Variants in TEX35 observed in about 807,000 individuals in gnomAD.
The protein encoded by TEX35 is testis expressed 35.
Under a neutral mutation model 31.9 loss-of-function variants are expected in TEX35, and 26 were observed. The ratio of observed to expected loss-of-function variants is 0.81; its 90% CI spans 0.60 to 1.13. TEX35 has a LOEUF of 1.13. Ranked by LOEUF, TEX35 falls within the 50% of genes most tolerant of loss-of-function variation. TEX35 has a pLI of 0.00. For synonymous variants in TEX35, 87 were observed against 90.7 expected, an observed-to-expected ratio of 0.96 and a Z score of 0.23; for missense variants, 278 against 273.5, an observed-to-expected ratio of 1.02 and a Z score of -0.12.
intron 8 of TEX35, 143 bp downstream of exon 8, chr1:178,521,407 G>T: frequency 2.7e-6 from 3 of 1,099,220 alleles, no homozygotes; most frequent in Non-Finnish European, 4.2e-6. Flanking sequence ...CTGCCACCCA[G>T]CATGCTCAGT....
chr1:178,514,891 A>G, intron 3 of TEX35, 123 bp downstream of exon 3: 2 of 787,862 alleles, frequency 2.5e-6, no homozygotes, highest in South Asian at 3.4e-5. Flanking sequence ...CAGTGCAATT[A>G]TCAAAATCCA....
chr1:178,520,866 A>T lies in TEX35; in HGVS notation c.535A>T (p.Thr179Ser), dbSNP rs1257545965. 12 of 1,614,084 alleles carry T rather than the reference A, an allele frequency of 7.4e-6. No homozygotes were observed. The highest frequency in any genetic ancestry group is 1.0e-5 in the Non-Finnish European group (12 of 1,180,024). ...GSLDPLHHCG[T>S]CCEKCLLCAL... ...ACTGGATCCCCTTCATCACTGTGGG[A>T]CCTGCTGCGTAAGTGAAACCCTGCC... is the stretch of plus-strand genomic sequence containing the variant. Residue 179 changes from threonine to serine, a missense_variant, in exon 7 of 9, where the codon ACC becomes TCC. Transcript: ENST00000319416.
In TEX35 at chr1:178,520,429, T is replaced by C; in HGVS notation, c.334T>C (p.Tyr112His). 2 of 1,614,066 alleles carry C rather than the reference T, an allele frequency of 1.2e-6. No homozygotes were observed. The highest frequency in any genetic ancestry group is 2.2e-5 in the South Asian group (2 of 91,054). The change falls in exon 6 of 9, where the codon TAT becomes CAT. Residue 112 changes from tyrosine (Y) to histidine (H), a missense_variant. By Grantham distance (83) the Tyr-to-His change is moderately conservative (BLOSUM62 2). Coordinates refer to ENST00000319416, the MANE Select transcript of TEX35 (RefSeq NM_032126.5). ...MDILINTQKN[Y>H]KLPLRRAPKE... The stretch of plus-strand genomic sequence containing the variant: ...CATTTTAATAAATACACAGAAGAAC[T>C]ATAAGCTGTAAGTGTAACCTGCACT...
chr1:178,518,255 C>T (rs1156537257), intron 5 of TEX35, among the ~76,000 whole-genome samples: 3 of 152,004 alleles, frequency 2.0e-5, no homozygotes, highest in Non-Finnish European at 4.4e-5. Context: ...TATAAATGCT[C>T]TTATACTGTT....
At chr1:178,514,294 G>C in intron 2 of TEX35, 2 of 1,448,172 alleles carry the variant, frequency 1.4e-6, no homozygotes, top group Non-Finnish European at 1.8e-6. Flanking sequence ...TGCTCTGCTG[G>C]GAATCAAGAC....
chr1:178,515,879 A>G lies in TEX35; in HGVS notation c.180A>G (p.Arg60=), dbSNP rs770531159. 6.2e-7 allele frequency: 1 copy of G among 1,612,632 alleles called. No homozygotes were observed. The highest frequency in any genetic ancestry group is 1.1e-5 in the South Asian group (1 of 90,774). Residue 60 remains arginine, a synonymous_variant, in exon 4 of 9, where the codon AGA becomes AGG. Transcript: ENST00000319416. ...QDLKNELREV[R]EELKEKMEEI... is the part of the protein sequence containing the mutation. The stretch of plus-strand genomic sequence containing the variant: ...CTCAGAATGAACTCAGGGAAGTGAG[A>G]GAAGAGCTCAAGGAGAAAATGGAGG...
chr1:178,523,281 T>A (rs191820267), downstream of TEX35: 1 of 701,326 alleles, frequency 1.4e-6, no homozygotes, highest in Non-Finnish European at 2.6e-6. Context: ...CTCTTCAATA[T>A]GCTGATTTTC....
rs1280606700 is a variant in TEX35 at position 178,514,770 on chromosome 1, T to C, written c.159+2T>C. On this transcript the variant is annotated splice_donor_variant, in intron 3 of 8. Transcript: ENST00000319416. LOFTEE classifies it high-confidence loss of function. ...GCAGGAGTGACACAGGACCTAAAGG[T>C]GAGTGCGTGAACTTGGAGGCATGTC... 2 of 1,612,976 alleles carry C rather than the reference T, an allele frequency of 1.2e-6. No homozygotes were observed. The highest frequency in any genetic ancestry group is 8.5e-7 in the Non-Finnish European group (1 of 1,179,478).
chr1:178,514,573 G>A, intron 2 of TEX35, 127 bp from the exon 3 acceptor site: 1 of 886,504 alleles, frequency 1.1e-6, no homozygotes, highest in Non-Finnish European at 1.8e-6. Flanking sequence ...CACAGGTGGG[G>A]CCACCAGCTT....
intron 4 of TEX35, among the ~76,000 whole-genome samples, chr1:178,516,245 C>A (rs981187394): frequency 9.2e-5 from 14 of 152,248 alleles, no homozygotes; most frequent in Non-Finnish European, 1.5e-4. Context: ...TTCACTTCCC[C>A]TGAGCAAGTT....
downstream of TEX35, chr1:178,523,220 G>A (rs928396087): frequency 2.9e-5 from 20 of 685,006 alleles, no homozygotes; most frequent in Non-Finnish European, 4.8e-5. Context: ...GGTTGCTTCC[G>A]AATCCTGGCT....
At chr1:178,520,910 C>T in intron 7 of TEX35, 36 bp downstream of exon 7, 1 of 1,611,298 alleles carries the variant, frequency 6.2e-7, no homozygotes, top group Non-Finnish European at 8.5e-7. Context: ...GCACTGGTGC[C>T]AGACCCCTGG....
At chr1:178,521,381 G>A (rs771387697) in intron 8 of TEX35, 117 bp downstream of exon 8, 17 of 1,275,418 alleles carry the variant, frequency 1.3e-5, no homozygotes, top group East Asian at 2.3e-5. Flanking sequence ...CCAGGAGTAG[G>A]GACTGTTAGC....
At chr1:178,520,911 AGACCCCT>A in intron 7 of TEX35, 37 bp downstream of exon 7, 1 of 1,611,196 alleles carries the variant, frequency 6.2e-7, no homozygotes, top group Non-Finnish European at 8.5e-7. Flanking sequence ...CACTGGTGCC[AGACCCCT>A]GGCTCCGGCT....
intron 5 of TEX35, among the ~76,000 whole-genome samples, 182 bp downstream of exon 5, chr1:178,516,856 A>T (rs1650097294): frequency 6.6e-6 from 1 of 152,242 alleles, no homozygotes; most frequent in African/African-American, 2.4e-5. Flanking sequence ...TAGAGACATG[A>T]GAAATGAATG....
intron 7 of TEX35, 59 bp from the exon 8 acceptor site, chr1:178,521,163 G>T (rs1006376007): frequency 3.7e-6 from 6 of 1,611,628 alleles, no homozygotes; most frequent in Admixed American, 3.3e-5. Flanking sequence ...TGCCTAGCAG[G>T]CTGCCCTTCT....
At chr1:178,513,740 A>T (rs1350832959) in intron 1 of TEX35, among the ~76,000 whole-genome samples, 1 of 152,262 alleles carries the variant, frequency 6.6e-6, no homozygotes, top group Admixed American at 6.5e-5. Flanking sequence ...GCTTGCTTCT[A>T]GTTATCTTAA....
In TEX35 at chr1:178,522,527, T is replaced by G; in HGVS notation, c.*87T>G. The G allele has an allele frequency of 1.5e-6, 2 of 1,359,918 alleles. No homozygotes were observed. Among genetic ancestry groups the G allele is most frequent in the South Asian group, 4.1e-5 (2 of 48,728 alleles). The allele number at this position is 1,359,918 out of a possible 1,614,324, so 84.2% of individuals were successfully genotyped here. On this transcript the variant is annotated 3_prime_UTR_variant, in exon 9 of 9. Transcript: ENST00000319416. ...CTGTCCTGCCCTGGGTGTGATTCTT[T>G]GGCTTCAATTTGAAGGACGAGGAAT...
chr1:178,515,797 A>G (rs1650052768), intron 3 of TEX35, 62 bp from the exon 4 acceptor site: 1 of 1,335,116 alleles, frequency 7.5e-7, no homozygotes, highest in Non-Finnish European at 1.1e-6. Context: ...CCTCCTGTTG[A>G]TGGTTTCCCC....
Sources: gnomAD v4.1 joint callset for allele counts (sites outside exome capture counted in the v4.1 genomes callset) on GRCh38, gnomAD v4.1.1 for gene constraint, MANE v1.5 for transcripts, NCBI Gene and HGNC (gene_info 2026-07-23, HGNC 2026-07-21) for gene names.